The following NCR1 variants were observed in gnomAD, a reference collection of about 807,000 sequenced individuals.
The protein encoded by NCR1 is natural cytotoxicity triggering receptor 1.
In NCR1, 30 loss-of-function variants were observed where a neutral mutation model predicts 32.5. The ratio of observed to expected loss-of-function variants is 0.92; its 90% CI spans 0.69 to 1.25. NCR1 has a LOEUF of 1.25. Ranked by LOEUF, NCR1 falls within the 50% of genes most tolerant of loss-of-function variation. The pLI, the probability that NCR1 is intolerant of heterozygous loss-of-function variation, is 0.00. For synonymous variants in NCR1, 169 were observed against 143.4 expected (o/e 1.18, Z -1.28); for missense variants, 369 against 380.7 (o/e 0.97, Z 0.26).
chr19:54,923,965 A>C, the NCR1 span: 15 of 1,433,214 alleles, frequency 1.0e-5, no homozygotes, highest in Non-Finnish European at 1.5e-5. Flanking sequence ...CAAAGCAGGA[A>C]ACGTTTTTGG....
chr19:54,936,155 C>G, the NCR1 span: 1 of 971,800 alleles, frequency 1.0e-6, no homozygotes, highest in Non-Finnish European at 1.6e-6. Flanking sequence ...GAATACATTC[C>G]CTGTCTGGGA....
At position 54,912,755 on chromosome 19, in the gene NCR1, G is replaced by C. The variant is rs1462974466; in HGVS notation, c.799G>C (p.Val267Leu). 2 of 1,614,068 alleles carry C rather than the reference G, an allele frequency of 1.2e-6. No individual in the cohort carries two copies. The highest frequency in any genetic ancestry group is 2.2e-5 in the South Asian group (2 of 91,080). ...GATGGGCCTGGCCTTTCTAGTCCTG[G>C]TGGCTCTAGTGTGGTTCCTGGTTGA... ...LRMGLAFLVL[V>L]ALVWFLVEDW... The change falls in exon 7 of 7, where the codon GTG becomes CTG. Residue 267 changes from valine (V) to leucine (L), a missense_variant. Transcript: ENST00000291890.
At position 54,912,203 on chromosome 19, in the gene NCR1, A is replaced by G. The variant is rs1339235878; in HGVS notation, c.718A>G (p.Thr240Ala). The G allele has an allele frequency of 3.7e-6, 6 of 1,613,768 alleles. No homozygotes were observed. Among genetic ancestry groups the G allele is most frequent in the Non-Finnish European group, 5.1e-6 (6 of 1,179,884 alleles). The stretch of plus-strand genomic sequence containing the variant: ...GGGCACCTACCTTTTAACCACAGAG[A>G]CGGGACTCCAGAAAGGTAAGTAGAC... ...TWGTYLLTTETGLQKDHALWD... is the reference protein window; with the variant it reads ...TWGTYLLTTEAGLQKDHALWD... Residue 240 changes from threonine to alanine, a missense_variant, in exon 6 of 7, where the codon ACG becomes GCG. By Grantham distance (58) the Thr-to-Ala change is moderately conservative (BLOSUM62 0). Coordinates refer to ENST00000291890, the MANE Select transcript of NCR1 (RefSeq NM_004829.7).
the NCR1 span, chr19:54,934,374 G>T: frequency 2.0e-6 from 2 of 1,019,724 alleles, no homozygotes; most frequent in Non-Finnish European, 3.1e-6. The surrounding 1 kb of genome is among the most constrained non-coding windows in gnomAD (Gnocchi z 6.7). Flanking sequence ...GCCTGAAGCA[G>T]GTGTTTATTT....
chr19:54,918,264 C>A (rs573360557), downstream of NCR1, among the ~76,000 whole-genome samples: 6 of 151,358 alleles, frequency 4.0e-5, no homozygotes, highest in South Asian at 1.3e-3. Context: ...AGAGTCTGAG[C>A]CCTTTATTTT....
chr19:54,935,533 T>TA, the NCR1 span, among the ~76,000 whole-genome samples: 233 of 152,002 alleles, frequency 1.5e-3, 4 homozygotes, highest in East Asian at 0.031. Flanking sequence ...CTGTCTCTAT[T>TA]AAAAATACAA....
chr19:54,925,621 G>A, the NCR1 span, among the ~76,000 whole-genome samples: 2 of 151,982 alleles, frequency 1.3e-5, no homozygotes, highest in African/African-American at 2.4e-5. Flanking sequence ...TCGGCAACAC[G>A]GCCACACAGT....
chr19:54,917,118 C>T (rs577776141), downstream of NCR1, among the ~76,000 whole-genome samples: 3 of 151,940 alleles, frequency 2.0e-5, no homozygotes, highest in East Asian at 2.0e-4. Context: ...CTCTGGCTTT[C>T]TCGGACACTT....
At chr19:54,923,905 A>T in the NCR1 span, 109 of 1,611,252 alleles carry the variant, frequency 6.8e-5, no homozygotes, top group East Asian at 2.1e-3. Context: ...ATGTTCCCAG[A>T]AATTCATTCT....
chr19:54,934,520 T>G, the NCR1 span: 1 of 1,614,162 alleles, frequency 6.2e-7, no homozygotes, highest in East Asian at 2.2e-5. This position sits in a 1 kb window ranked among gnomAD's most constrained non-coding sequence, Gnocchi z 6.7. Flanking sequence ...TTTGGGCGTG[T>G]CATGGTCTTG....
the NCR1 span, chr19:54,927,516 A>G: frequency 7.5e-7 from 1 of 1,327,506 alleles, no homozygotes; most frequent in South Asian, 1.2e-5. Context: ...AGATTGCGCC[A>G]CTGCACTCCA....
the NCR1 span, chr19:54,936,526 T>C: frequency 8.9e-7 from 1 of 1,128,128 alleles, no homozygotes; most frequent in East Asian, 2.4e-5. Context: ...ATTTAGAAAT[T>C]ATTAGAAGTT....
chr19:54,928,256 G>T, the NCR1 span, among the ~76,000 whole-genome samples: 1 of 152,046 alleles, frequency 6.6e-6, no homozygotes, highest in East Asian at 1.9e-4. Context: ...ACAAAAATTA[G>T]CCAGGTATGG....
At chr19:54,923,293 T>C in the NCR1 span, among the ~76,000 whole-genome samples, 2 of 152,142 alleles carry the variant, frequency 1.3e-5, no homozygotes, top group Admixed American at 1.3e-4. Context: ...CGTGGGTTGA[T>C]CACATAAGTT....
the NCR1 span, among the ~76,000 whole-genome samples, chr19:54,933,019 A>G: frequency 6.6e-6 from 1 of 152,172 alleles, no homozygotes; most frequent in Non-Finnish European, 1.5e-5. Flanking sequence ...TAGGAATTTG[A>G]AAGAACACAC....
At chr19:54,923,218 A>C in the NCR1 span, among the ~76,000 whole-genome samples, 1 of 152,138 alleles carries the variant, frequency 6.6e-6, no homozygotes, top group Non-Finnish European at 1.5e-5. Flanking sequence ...CACAGCTGAG[A>C]GCTGATGAGA....
the NCR1 span, among the ~76,000 whole-genome samples, chr19:54,922,241 G>C: frequency 6.6e-6 from 1 of 152,198 alleles, no homozygotes; most frequent in African/African-American, 2.4e-5. Flanking sequence ...GGAGAGCCAA[G>C]TGAGGAGAGG....
At chr19:54,926,071 A>C in the NCR1 span, among the ~76,000 whole-genome samples, 63 of 152,030 alleles carry the variant, frequency 4.1e-4, no homozygotes, top group East Asian at 9.5e-3. Flanking sequence ...TCAAAAAAAA[A>C]TAAAAAATAC....
At chr19:54,934,772 T>A in the NCR1 span, 1 of 834,564 alleles carries the variant, frequency 1.2e-6, no homozygotes, top group Non-Finnish European at 1.8e-6. The surrounding 1 kb of genome is among the most constrained non-coding windows in gnomAD (Gnocchi z 6.7). Flanking sequence ...TGCAAAGGCG[T>A]GATCTCACCT....
Sources: allele counts gnomAD v4.1 joint callset (sites outside exome capture counted in the v4.1 genomes callset), GRCh38; gene constraint gnomAD v4.1.1; non-coding constraint Gnocchi (gnomAD v3.1); transcripts MANE v1.5; gene names NCBI Gene and HGNC (gene_info 2026-07-23, HGNC 2026-07-21).